Variants in SRPK2 observed in about 807,000 individuals in gnomAD.
SRPK2 encodes the protein SRSF protein kinase 2.
SRPK2 carries 21 observed loss-of-function variants against 90.8 expected under a neutral mutation model. The observed-to-expected ratio is 0.23, with a 90% CI of 0.16 to 0.33. The LOEUF is 0.33. Among genes scored for constraint, SRPK2 ranks in the 10% least tolerant of loss-of-function variants. SRPK2 has a pLI of 1.00. For missense variants in SRPK2, 620 were observed against 869.0 expected, an observed-to-expected ratio of 0.71 and a Z score of 3.60; for synonymous variants, 288 against 311.1, an observed-to-expected ratio of 0.93 and a Z score of 0.78.
chr7:105,183,423 A>G (rs971719788), intron 3 of SRPK2, among the ~76,000 whole-genome samples: 3 of 152,202 alleles, frequency 2.0e-5, no homozygotes, highest in Non-Finnish European at 4.4e-5. Context: ...GGAATCCTAC[A>G]ACTGCACAAT....
At chr7:105,220,015 T>G (rs1361250926) in intron 2 of SRPK2, among the ~76,000 whole-genome samples, 1 of 152,220 alleles carries the variant, frequency 6.6e-6, no homozygotes, top group Non-Finnish European at 1.5e-5. Flanking sequence ...CCAAATAGCC[T>G]ATTCATCACT....
rs149200074 is a variant in SRPK2 at position 105,367,057 on chromosome 7, CTTTT to C, written c.71+21587_71+21590del. ...ATATGTAAGAAAAATATGAGATCAC[CTTTT>C]TTTTTGTTTTTTTTTTTGTTTGTTT... On this transcript the variant is annotated intron_variant, in intron 2 of 15. Transcript: ENST00000393651. 4.8e-5 allele frequency among the ~76,000 whole-genome samples: 7 copies of C among 145,006 alleles called. No homozygotes were observed. In the South Asian group the frequency reaches 6.7e-4, roughly 14 times the overall value.
intron 3 of SRPK2, among the ~76,000 whole-genome samples, chr7:105,193,395 C>T (rs182649115): frequency 4.6e-4 from 70 of 152,218 alleles, no homozygotes; most frequent in African/African-American, 1.7e-3. Flanking sequence ...GGTCTATGTG[C>T]CTATTTTTAT....
chr7:105,367,830 C>T (rs895859122), intron 2 of SRPK2, among the ~76,000 whole-genome samples: 2 of 152,102 alleles, frequency 1.3e-5, no homozygotes, highest in Admixed American at 6.6e-5. Context: ...TCATGACATA[C>T]CTTTTTAATG....
chr7:105,243,470 A>C (rs540575857), intron 2 of SRPK2, among the ~76,000 whole-genome samples: 1 of 152,180 alleles, frequency 6.6e-6, no homozygotes, highest in East Asian at 1.9e-4. Context: ...TCAGGAGTTC[A>C]AGACTAGTCT....
At chr7:105,175,169 T>C (rs759044845) in intron 3 of SRPK2, among the ~76,000 whole-genome samples, 4 of 148,046 alleles carry the variant, frequency 2.7e-5, no homozygotes, top group Non-Finnish European at 4.5e-5. Flanking sequence ...AAGAAGAGGA[T>C]TCAAATCACA....
At chr7:105,360,267 T>C (rs1427118318) in intron 2 of SRPK2, among the ~76,000 whole-genome samples, 2 of 152,158 alleles carry the variant, frequency 1.3e-5, no homozygotes, top group East Asian at 3.8e-4. Context: ...TTTGAGACTA[T>C]GTGTGTCTCT....
chr7:105,350,916 C>T lies in SRPK2; in HGVS notation c.71+37732G>A, dbSNP rs1490082171. Among the ~76,000 whole-genome samples, 2 of 152,304 alleles carry T rather than the reference C, an allele frequency of 1.3e-5. 1 individual carries two copies. Among genetic ancestry groups the T allele is most frequent in the African/African-American group, 4.8e-5 (2 of 41,572 alleles). On this transcript the variant is annotated intron_variant, in intron 2 of 15. Coordinates refer to ENST00000393651, the MANE Select transcript of SRPK2 (RefSeq NM_182692.3). ...AAGAAGCCACGTCTGCCAGCCAACC[C>T]TATACTACATTAAAGTTTACAGAGC... is the stretch of plus-strand genomic sequence containing the variant.
At chr7:105,305,669 A>G (rs1244262268) in intron 2 of SRPK2, among the ~76,000 whole-genome samples, 1 of 152,132 alleles carries the variant, frequency 6.6e-6, no homozygotes, top group East Asian at 1.9e-4. Context: ...CTCTTTCCCT[A>G]CCCTCTTAGA....
rs912262303 is a variant in SRPK2 at position 105,142,450 on chromosome 7, T to C, written c.1101A>G (p.Lys367=). 7 of 1,612,646 alleles carry C rather than the reference T, an allele frequency of 4.3e-6. No individual in the cohort carries two copies. The highest frequency in any genetic ancestry group is 5.9e-6 in the Non-Finnish European group (7 of 1,179,566). The part of the protein sequence containing the change: ...EDQEEKEDAE[K]ENIEKDEDDV... ...CATCTTCATCTTTTTCAATGTTTTC[T>C]TTCTCAGCATCTTCTTTCTCTTCCT... Residue 367 remains lysine, a synonymous_variant, in exon 11 of 16, where the codon AAA becomes AAG. Coordinates refer to ENST00000393651, the MANE Select transcript of SRPK2 (RefSeq NM_182692.3).
Position 105,126,285 on chromosome 7 carries a change from T to A in SRPK2, c.1878A>T (p.Leu626=). 1 of 1,614,038 alleles carries A rather than the reference T, an allele frequency of 6.2e-7. No individual in the cohort carries two copies. The change falls in exon 15 of 16, where the codon CTA becomes CTT. Residue 626 remains leucine (L), a synonymous_variant. Coordinates refer to ENST00000393651, the MANE Select transcript of SRPK2 (RefSeq NM_182692.3). ...AGAATTCCCGAGAATATTTTCCAGATAGAGCAAAGTGCCTTGGAATACTGC... is the reference window on the plus strand; with the variant it reads ...AGAATTCCCGAGAATATTTTCCAGAAAGAGCAAAGTGCCTTGGAATACTGC... The part of the protein sequence containing the change: ...LLGSIPRHFA[L]SGKYSREFFN...
intron 2 of SRPK2, among the ~76,000 whole-genome samples, chr7:105,356,807 T>C (rs1469527379): frequency 1.3e-5 from 2 of 152,198 alleles, no homozygotes; most frequent in African/African-American, 4.8e-5. Context: ...CAAGTATCTC[T>C]TCTTTAACAG....
chr7:105,241,787 T>G (rs1424185444), intron 2 of SRPK2, among the ~76,000 whole-genome samples: 1 of 152,108 alleles, frequency 6.6e-6, no homozygotes, highest in Non-Finnish European at 1.5e-5. Context: ...CTTTCTCCCT[T>G]CACACGTTCC....
At chr7:105,223,894 C>T (rs1438150318) in intron 2 of SRPK2, among the ~76,000 whole-genome samples, 7 of 152,160 alleles carry the variant, frequency 4.6e-5, no homozygotes, top group Non-Finnish European at 8.8e-5. Context: ...TCTGTATATG[C>T]CTCGAGTTAC....
chr7:105,173,335 G>A (rs1233458497), intron 3 of SRPK2, among the ~76,000 whole-genome samples: 4 of 152,120 alleles, frequency 2.6e-5, no homozygotes, highest in Non-Finnish European at 5.9e-5. Context: ...TTGAAAACGT[G>A]ATATACACAA....
chr7:105,183,408 C>G (rs766785679), intron 3 of SRPK2, among the ~76,000 whole-genome samples: 9 of 152,200 alleles, frequency 5.9e-5, no homozygotes, highest in Non-Finnish European at 8.8e-5. Flanking sequence ...ACTTGGGGAT[C>G]AGCAGGAATC....
intron 2 of SRPK2, among the ~76,000 whole-genome samples, chr7:105,341,966 CAAAT>C (rs1287109750): frequency 1.4e-5 from 2 of 147,354 alleles, no homozygotes; most frequent in Non-Finnish European, 3.0e-5. Flanking sequence ...GACTCTGTCT[CAAAT>C]AAATAAATAA....
At chr7:105,240,369 C>T (rs1276316137) in intron 2 of SRPK2, among the ~76,000 whole-genome samples, 1 of 152,124 alleles carries the variant, frequency 6.6e-6, no homozygotes, top group Non-Finnish European at 1.5e-5. Flanking sequence ...CATATTCAGA[C>T]CATAGCATGG....
chr7:105,214,456 C>T (rs1797206496), intron 2 of SRPK2, among the ~76,000 whole-genome samples: 1 of 152,148 alleles, frequency 6.6e-6, no homozygotes, highest in South Asian at 2.1e-4. Flanking sequence ...TAGTAGAATT[C>T]ACCTTAGTGA....
Sources: allele counts gnomAD v4.1 joint callset (sites outside exome capture counted in the v4.1 genomes callset), GRCh38; gene constraint gnomAD v4.1.1; transcripts MANE v1.5; gene names NCBI Gene and HGNC (gene_info 2026-07-23, HGNC 2026-07-21).